FIGN: variants seen among roughly 807,000 people sequenced by gnomAD.
FIGN encodes the protein fidgetin.
FIGN carries 11 observed loss-of-function variants against 51.3 expected under a neutral mutation model. That is an observed-to-expected ratio of 0.21 (90% CI 0.13 to 0.35). The LOEUF (loss-of-function observed/expected upper bound fraction) is 0.35. Ranked by LOEUF, FIGN falls within the 10% of genes least tolerant of loss-of-function variation. The probability of loss-of-function intolerance (pLI) is 1.00; values close to 1 mark genes in which losing one functional copy is unlikely to be tolerated. For synonymous variants in FIGN, 407 were observed against 363.2 expected, an observed-to-expected ratio of 1.12 and a Z score of -1.37; for missense variants, 857 against 943.6, an observed-to-expected ratio of 0.91 and a Z score of 1.20.
At chr2:163,653,900 A>T (rs1288421039) in intron 2 of FIGN, among the ~76,000 whole-genome samples, 1 of 152,144 alleles carries the variant, frequency 6.6e-6, no homozygotes, top group Non-Finnish European at 1.5e-5. Context: ...GAAAAGCAAT[A>T]GGATTTTTTA....
At chr2:163,664,210 C>T (rs1436183933) in intron 2 of FIGN, among the ~76,000 whole-genome samples, 3 of 152,094 alleles carry the variant, frequency 2.0e-5, no homozygotes, top group Non-Finnish European at 4.4e-5. Flanking sequence ...GAAGTCCCTC[C>T]TACCCCCCTT....
intron 2 of FIGN, chr2:163,612,448 C>T: frequency 1.0e-6 from 1 of 985,342 alleles, no homozygotes; most frequent in Non-Finnish European, 1.2e-6. Context: ...TGGTCCACGA[C>T]AGTTTCAAAT....
intron 2 of FIGN, among the ~76,000 whole-genome samples, chr2:163,620,485 G>A (rs1682949173): frequency 6.6e-6 from 1 of 152,100 alleles, no homozygotes; most frequent in South Asian, 2.1e-4. Flanking sequence ...GCTGTAGCAT[G>A]CAGGGATAAA....
At chr2:163,666,796 G>T (rs1210650877) in intron 2 of FIGN, among the ~76,000 whole-genome samples, 1 of 151,976 alleles carries the variant, frequency 6.6e-6, no homozygotes, top group Non-Finnish European at 1.5e-5. Flanking sequence ...CACACAGCTA[G>T]TGGCAAAATC....
intron 2 of FIGN, among the ~76,000 whole-genome samples, chr2:163,680,346 C>T (rs1039831862): frequency 6.6e-6 from 1 of 152,152 alleles, no homozygotes; most frequent in African/African-American, 2.4e-5. Flanking sequence ...ATGATTCTTG[C>T]TATCATGGTA....
At position 163,611,642 on chromosome 2, in the gene FIGN, C is replaced by A; in HGVS notation, c.190G>T (p.Ala64Ser). The A allele has an allele frequency of 6.2e-7, 1 of 1,614,196 alleles. No homozygotes were observed. The highest frequency in any genetic ancestry group is 8.5e-7 in the Non-Finnish European group (1 of 1,180,032). Reference sequence around the variant, plus strand: ...GCATATTTTTTTAGTAGGTTGGATGCAGTCAGAGCAGATATGTCATCATTC... The same window carrying A: ...GCATATTTTTTTAGTAGGTTGGATGAAGTCAGAGCAGATATGTCATCATTC... ...WANDDISALT[A>S]SNLLKKYAEK... The change falls in exon 3 of 3, where the codon GCA (alanine) becomes TCA (serine). Residue 64 changes from alanine to serine, a missense_variant. Ala to Ser is a moderately conservative substitution (Grantham distance 99). Coordinates refer to ENST00000333129, the MANE Select transcript of FIGN (RefSeq NM_018086.4).
chr2:163,662,027 T>C lies in FIGN; in HGVS notation c.26-50221A>G, dbSNP rs185008295. 3.5e-3 allele frequency among the ~76,000 whole-genome samples: 526 copies of C among 152,310 alleles called. 3 individuals are homozygous for C. Among genetic ancestry groups the C allele is most frequent in the African/African-American group, 0.012 (505 of 41,562 alleles). On this transcript the variant is annotated intron_variant, in intron 2 of 2. Transcript: ENST00000333129. ...ATGTGGAAGTGACTTTGGAACTTGG[T>C]AACAGGCAGAGGTTGGAAGAGTTTG... is the stretch of plus-strand genomic sequence containing the variant.
At chr2:163,614,242 A>G (rs1367350113) in intron 2 of FIGN, among the ~76,000 whole-genome samples, 2 of 152,162 alleles carry the variant, frequency 1.3e-5, no homozygotes, top group African/African-American at 4.8e-5. Flanking sequence ...GAAATGACCG[A>G]AACCACACTT....
At chr2:163,624,253 G>T (rs1683019578) in intron 2 of FIGN, among the ~76,000 whole-genome samples, 1 of 151,954 alleles carries the variant, frequency 6.6e-6, no homozygotes, top group South Asian at 2.1e-4. Context: ...TAATTAGCAT[G>T]CATGGTGCAA....
intron 2 of FIGN, among the ~76,000 whole-genome samples, chr2:163,636,636 C>T (rs1449150595): frequency 6.6e-6 from 1 of 152,076 alleles, no homozygotes; most frequent in African/African-American, 2.4e-5. Context: ...TGCACAATAG[C>T]TTGCTTTTGG....
At chr2:163,719,558 A>C (rs1684722232) in intron 2 of FIGN, among the ~76,000 whole-genome samples, 1 of 152,156 alleles carries the variant, frequency 6.6e-6, no homozygotes, top group Non-Finnish European at 1.5e-5. Context: ...TAATGCACTC[A>C]TTTGGTCTTG....
intron 2 of FIGN, among the ~76,000 whole-genome samples, chr2:163,699,605 T>G (rs1036504713): frequency 6.6e-6 from 1 of 152,190 alleles, no homozygotes. Context: ...AAAAATTCAC[T>G]GTTACTTTCT....
chr2:163,727,338 T>C (rs954445902), intron 2 of FIGN, among the ~76,000 whole-genome samples: 61 of 151,882 alleles, frequency 4.0e-4, no homozygotes, highest in Admixed American at 3.4e-3. Flanking sequence ...ATGTGAATTG[T>C]GGCTAACTAC....
intron 2 of FIGN, among the ~76,000 whole-genome samples, chr2:163,681,254 G>A (rs993069982): frequency 1.3e-5 from 2 of 152,060 alleles, no homozygotes; most frequent in Non-Finnish European, 1.5e-5. Context: ...ATAATACTAA[G>A]GATTTGAAAC....
intron 2 of FIGN, among the ~76,000 whole-genome samples, chr2:163,667,372 T>C (rs904337798): frequency 1.3e-5 from 2 of 149,506 alleles, no homozygotes; most frequent in Admixed American, 6.7e-5. Flanking sequence ...AAAATAAAAA[T>C]GTAAACATAT....
rs1039869169 is a variant in FIGN, at chr2:163,604,587, C to T, written c.*4965G>A. ...AGTTCAAGGACAAGTCTTTTTCTTA[C>T]GAAATGCATGACATTCAAAAAAAGA... is the stretch of plus-strand genomic sequence containing the variant. On this transcript the variant is annotated 3_prime_UTR_variant, in exon 3 of 3. Coordinates refer to ENST00000333129, the MANE Select transcript of FIGN (RefSeq NM_018086.4). 2.6e-5 allele frequency: 4 copies of T among 151,518 alleles called. No homozygotes were observed. Among genetic ancestry groups the T allele is most frequent in the Non-Finnish European group, 4.4e-5 (3 of 67,918 alleles). 9.4% of individuals were successfully genotyped at this position (151,518 alleles called of 1,614,324 possible).
In FIGN at chr2:163,611,038, C is replaced by T. The variant is rs369831057; in HGVS notation, c.794G>A (p.Gly265Glu). 11 of 1,613,752 alleles carry T rather than the reference C, an allele frequency of 6.8e-6. No individual in the cohort carries two copies. Among genetic ancestry groups the T allele is most frequent in the South Asian group, 6.6e-5 (6 of 91,082 alleles). ...CGCTGAAGGCGGAGGCGGTGCCCCCCCAGGGCTGTACCCAGACCCCACAGC... is the reference window on the plus strand; with the variant it reads ...CGCTGAAGGCGGAGGCGGTGCCCCCTCAGGGCTGTACCCAGACCCCACAGC... The part of the protein sequence containing the change: ...QTAVGSGYSP[G>E]GAPPPPSAYL... Residue 265 changes from glycine to glutamate, a missense_variant, in exon 3 of 3, where the codon GGG becomes GAG. Gly to Glu is a moderately conservative substitution (Grantham distance 98). This residue lies in a region of FIGN where 799 missense variants were observed against 849.5 expected (regional missense o/e 0.94). Transcript: ENST00000333129.
chr2:163,638,808 C>T (rs138315001), intron 2 of FIGN, among the ~76,000 whole-genome samples: 5 of 152,182 alleles, frequency 3.3e-5, no homozygotes, highest in Admixed American at 1.3e-4. Context: ...CACTACCCAA[C>T]CTAGAGCACA....
At chr2:163,645,146 T>C (rs1054305230) in intron 2 of FIGN, among the ~76,000 whole-genome samples, 1 of 152,106 alleles carries the variant, frequency 6.6e-6, no homozygotes, top group Non-Finnish European at 1.5e-5. Context: ...AATAAATAAA[T>C]CTGAATCTTG....
Sources: gnomAD v4.1 joint callset for allele counts (sites outside exome capture counted in the v4.1 genomes callset) on GRCh38, gnomAD v4.1.1 for gene constraint, gnomAD v4.1.1 regional missense constraint, MANE v1.5 for transcripts, NCBI Gene and HGNC (gene_info 2026-07-23, HGNC 2026-07-21) for gene names.